The following KCNQ1 variants were observed in gnomAD, a reference collection of about 807,000 sequenced individuals.
KCNQ1 encodes potassium voltage-gated channel subfamily KQT member 1.
Under a neutral mutation model 72.4 loss-of-function variants are expected in KCNQ1, and 49 were observed. That is an observed-to-expected ratio of 0.68 (90% CI 0.54 to 0.86). The LOEUF is 0.86. Ranked by LOEUF, KCNQ1 falls within the 40% of genes least tolerant of loss-of-function variation. The pLI is 0.00. For synonymous variants in KCNQ1, 450 were observed against 412.6 expected, an observed-to-expected ratio of 1.09 and a Z score of -1.10; for missense variants, 790 against 945.1, an observed-to-expected ratio of 0.84 and a Z score of 2.15.
At chr11:2,833,113 G>C (rs929800449) in intron 15 of KCNQ1, among the ~76,000 whole-genome samples, 1 of 152,200 alleles carries the variant, frequency 6.6e-6, no homozygotes, top group Non-Finnish European at 1.5e-5. Flanking sequence ...CCACAGCTAG[G>C]AGGCTGTGGG....
rs576406723 is a variant in KCNQ1 at position 2,734,265 on chromosome 11, G to C, written c.1515-34579G>C. On this transcript the variant is annotated intron_variant, in intron 11 of 15. Coordinates refer to ENST00000155840, the MANE Select transcript of KCNQ1 (RefSeq NM_000218.3). This position sits in a 1 kb window ranked among gnomAD's most constrained non-coding sequence, Gnocchi z 7.0. The stretch of plus-strand genomic sequence containing the variant: ...TCAGGTCCTAAGAGGCCTCAGGCCG[G>C]AGCCCAGCTGCAGAGCAGGGCAGGG... 3.9e-5 allele frequency among the ~76,000 whole-genome samples: 6 copies of C among 152,380 alleles called. No individual in the cohort carries two copies. Among genetic ancestry groups the C allele is most frequent in the African/African-American group, 4.8e-5 (2 of 41,592 alleles).
Position 2,776,194 on chromosome 11 carries a change from C to A in KCNQ1, c.1685+140C>A, listed in dbSNP as rs375962333. 6.4e-4 allele frequency: 473 copies of A among 735,864 alleles called. 1 individual carries two copies. The highest frequency in any genetic ancestry group is 5.6e-3 in the African/African-American group (324 of 57,416). The allele number at this position is 735,864 out of a possible 1,614,324, so 45.6% of individuals were successfully genotyped here. ...CTCAACCACCCCCTTCTCCTCACCA[C>A]CCCCAGCCCTGCAGAGGGAGGGCAG... On this transcript the variant is annotated intron_variant, in intron 13 of 15. Transcript: ENST00000155840.
chr11:2,644,564 C>G (rs1849637502), intron 10 of KCNQ1: 1 of 398,312 alleles, frequency 2.5e-6, no homozygotes. Flanking sequence ...TTCTTTTTCA[C>G]TGGAATCTGT....
intron 2 of KCNQ1, among the ~76,000 whole-genome samples, chr11:2,533,081 A>T (rs1334174239): frequency 6.6e-6 from 1 of 152,164 alleles, no homozygotes; most frequent in African/African-American, 2.4e-5. Context: ...CAGGACCCGC[A>T]TGAGGGATTC....
chr11:2,587,516 G>T, intron 8 of KCNQ1, 54 bp from the exon 9 acceptor site: 3 of 1,610,872 alleles, frequency 1.9e-6, no homozygotes, highest in Non-Finnish European at 2.5e-6. Flanking sequence ...CTTCCATAAG[G>T]GCCCCCGCCG....
In KCNQ1 at chr11:2,770,020, G is replaced by A. The variant is rs115068323; in HGVS notation, c.1590+1101G>A. On this transcript the variant is annotated intron_variant, in intron 12 of 15. Transcript: ENST00000155840. ...GCCTTTGTCAAGAGGTCGTTGGGTC[G>A]GGCTGGGAAGATCATCTTGACTTCA... Among the ~76,000 whole-genome samples, 447 of 152,220 alleles carry A rather than the reference G, an allele frequency of 2.9e-3. 2 individuals carry two copies. The highest frequency in any genetic ancestry group is 0.01 in the African/African-American group (425 of 41,524).
intron 1 of KCNQ1, among the ~76,000 whole-genome samples, chr11:2,455,306 G>T (rs1012611760): frequency 5.9e-5 from 9 of 151,628 alleles, no homozygotes; most frequent in African/African-American, 2.0e-4. Flanking sequence ...CACCGTGTTA[G>T]CCAGGATGGT....
chr11:2,459,258 A>C (rs1846240111), intron 1 of KCNQ1, among the ~76,000 whole-genome samples: 1 of 152,122 alleles, frequency 6.6e-6, no homozygotes. Flanking sequence ...GTGTGAGGTT[A>C]GGATGTGGGG....
At chr11:2,843,918 T>C (rs944498408) in intron 15 of KCNQ1, among the ~76,000 whole-genome samples, 14 of 152,126 alleles carry the variant, frequency 9.2e-5, no homozygotes, top group African/African-American at 3.4e-4. Flanking sequence ...AAATTGCAAA[T>C]AATGGTGGAG....
rs569229426 is a variant in KCNQ1 at position 2,769,801 on chromosome 11, A to T, written c.1590+882A>T. On this transcript the variant is annotated intron_variant, in intron 12 of 15. Coordinates refer to ENST00000155840, the MANE Select transcript of KCNQ1 (RefSeq NM_000218.3). The surrounding 1 kb of genome is among the most constrained non-coding windows in gnomAD (Gnocchi z 4.6). ...TGAGTGAGTGCGTGTCTGCAGGAGC[A>T]GGGCAGGGTGGGGCTTCTGAGCTGG... Among the ~76,000 whole-genome samples the T allele has an allele frequency of 1.3e-5, 2 of 152,140 alleles. No individual in the cohort carries two copies. The highest frequency in any genetic ancestry group is 6.5e-5 in the Admixed American group (1 of 15,306).
intron 15 of KCNQ1, among the ~76,000 whole-genome samples, chr11:2,790,543 C>T (rs1361624615): frequency 2.0e-5 from 3 of 152,238 alleles, no homozygotes; most frequent in Non-Finnish European, 4.4e-5. Flanking sequence ...ATCCCCCCTT[C>T]CCATCCCACA....
Position 2,477,385 on chromosome 11 carries a change from G to GA in KCNQ1, c.386+31901_386+31902insA, listed in dbSNP as rs1214741664. On this transcript the variant is annotated intron_variant, in intron 1 of 15. Coordinates refer to ENST00000155840, the MANE Select transcript of KCNQ1 (RefSeq NM_000218.3). The surrounding 1 kb of genome is among the most constrained non-coding windows in gnomAD (Gnocchi z 5.0). ...AAGCCTCCAGCCCACGGTGACCTAG[G>GA]TTCTTCCCACCATTGAATTAGGATG... Among the ~76,000 whole-genome samples the GA allele has an allele frequency of 8.5e-5, 13 of 152,166 alleles. No homozygotes were observed. The highest frequency in any genetic ancestry group is 2.7e-4 in the African/African-American group (11 of 41,444).
Position 2,781,247 on chromosome 11 carries a change from AC to A in KCNQ1, c.1794+3212del, listed in dbSNP as rs561684405. Among the ~76,000 whole-genome samples the A allele has an allele frequency of 3.0e-4, 46 of 152,294 alleles. No homozygotes were observed. Among genetic ancestry groups the A allele is most frequent in the African/African-American group, 1.1e-3 (44 of 41,558 alleles). On this transcript the variant is annotated intron_variant, in intron 15 of 15. Coordinates refer to ENST00000155840, the MANE Select transcript of KCNQ1 (RefSeq NM_000218.3). This position sits in a 1 kb window ranked among gnomAD's most constrained non-coding sequence, Gnocchi z 6.6. ...TAAATCCTCTTTTACAGATGGGGAA[AC>A]CGAGGCTCAGAGAGGCTGAGTGGTC...
rs1329210280 is a variant in KCNQ1, at chr11:2,734,770, C to T, written c.1515-34074C>T. On this transcript the variant is annotated intron_variant, in intron 11 of 15. Coordinates refer to ENST00000155840, the MANE Select transcript of KCNQ1 (RefSeq NM_000218.3). This position sits in a 1 kb window ranked among gnomAD's most constrained non-coding sequence, Gnocchi z 7.0. ...AGCGAGGGCAAGACCACCGCTCCTC[C>T]GCCATAAACCGTGTTGGATGGGCCT... is the stretch of plus-strand genomic sequence containing the variant. 2.0e-5 allele frequency among the ~76,000 whole-genome samples: 3 copies of T among 151,962 alleles called. No homozygotes were observed. The highest frequency in any genetic ancestry group is 1.9e-4 in the East Asian group (1 of 5,160).
intron 15 of KCNQ1, among the ~76,000 whole-genome samples, chr11:2,837,380 A>G (rs1848092441): frequency 1.3e-5 from 2 of 152,128 alleles, no homozygotes; most frequent in Admixed American, 6.5e-5. Context: ...GGGGCCCAGG[A>G]GAGCCCGCTC....
intron 10 of KCNQ1, chr11:2,629,666 C>G (rs1849320916): frequency 2.5e-6 from 1 of 398,354 alleles, no homozygotes; most frequent in East Asian, 3.6e-5. Context: ...TTTGGGAGCT[C>G]TCTATTCTTT....
In KCNQ1 at chr11:2,468,944, C is replaced by T. The variant is rs907468003; in HGVS notation, c.386+23460C>T. Among the ~76,000 whole-genome samples, 5 of 152,344 alleles carry T rather than the reference C, an allele frequency of 3.3e-5. No individual in the cohort carries two copies. Among genetic ancestry groups the T allele is most frequent in the South Asian group, 2.1e-4 (1 of 4,832 alleles). On this transcript the variant is annotated intron_variant, in intron 1 of 15. Coordinates refer to ENST00000155840, the MANE Select transcript of KCNQ1 (RefSeq NM_000218.3). This position sits in a 1 kb window ranked among gnomAD's most constrained non-coding sequence, Gnocchi z 5.7. ...TGCAGCCCGCTGGGAAGTGGAACGG[C>T]TGTGTCATGGGGTGGGTGAGGGCTT...
Position 2,826,789 on chromosome 11 carries a change from G to C in KCNQ1, c.1795-20978G>C, listed in dbSNP as rs1170772410. ...TGTGCTTGGAGCCATGCTGGGTGCT[G>C]GGGAGACACACTAACCACTTCCCCA... is the stretch of plus-strand genomic sequence containing the variant. On this transcript the variant is annotated intron_variant, in intron 15 of 15. Transcript: ENST00000155840. The surrounding 1 kb of genome is among the most constrained non-coding windows in gnomAD (Gnocchi z 4.2). Among the ~76,000 whole-genome samples, 1 of 152,214 alleles carries C rather than the reference G, an allele frequency of 6.6e-6. No individual in the cohort carries two copies. The highest frequency in any genetic ancestry group is 1.9e-4 in the East Asian group (1 of 5,182).
Position 2,699,302 on chromosome 11 carries a change from G to A in KCNQ1, c.1514+37221G>A, listed in dbSNP as rs528636707. 3.8e-4 allele frequency: 151 copies of A among 399,002 alleles called. No homozygotes were observed. Among genetic ancestry groups the A allele is most frequent in the African/African-American group, 2.6e-3 (128 of 48,760 alleles). 24.7% of individuals were successfully genotyped at this position (399,002 alleles called of 1,614,324 possible). A position where few individuals can be genotyped will look rare whatever the true frequency, so the allele number is the denominator to read the frequency against. ...CTGCACTGCTGACGCCTGTGATCTGGGACGGCCGCGGGGCACACAGCTCAC... is the reference window on the plus strand; with the variant it reads ...CTGCACTGCTGACGCCTGTGATCTGAGACGGCCGCGGGGCACACAGCTCAC... On this transcript the variant is annotated intron_variant, in intron 11 of 15. Coordinates refer to ENST00000155840, the MANE Select transcript of KCNQ1 (RefSeq NM_000218.3).
Sources: gnomAD v4.1 joint callset for allele counts (sites outside exome capture counted in the v4.1 genomes callset) on GRCh38, gnomAD v4.1.1 for gene constraint, Gnocchi (gnomAD v3.1) non-coding constraint, MANE v1.5 for transcripts, NCBI Gene and HGNC (gene_info 2026-07-23, HGNC 2026-07-21) for gene names.